TEX11: variants seen among roughly 807,000 people sequenced by gnomAD.
TEX11 encodes the protein testis expressed 11.
In TEX11, 7 loss-of-function variants were observed where a neutral mutation model predicts 84.4. The observed-to-expected ratio is 0.08, with a 90% CI of 0.05 to 0.16. TEX11 has a LOEUF of 0.16. TEX11 is among the 10% of genes least tolerant of loss of function. TEX11 has a pLI of 1.00. For missense variants in TEX11, 551 were observed against 660.5 expected (o/e 0.83, Z 1.82); for synonymous variants, 264 against 222.8 (o/e 1.18, Z -1.64).
chrX:70,714,641 C>G (rs1354654185), intron 13 of TEX11, among the ~76,000 whole-genome samples: 2 of 111,360 alleles, frequency 1.8e-5, no homozygotes, highest in Non-Finnish European at 3.8e-5. Context: ...TTTCCATTTG[C>G]TTGGTAGATC....
At chrX:70,828,583 T>C (rs2091359324) in intron 8 of TEX11, among the ~76,000 whole-genome samples, 1 of 110,880 alleles carries the variant, frequency 9.0e-6, no homozygotes, top group Non-Finnish European at 1.9e-5. Context: ...GAAGCATACC[T>C]ACATGATCTA....
chrX:70,629,626 G>C lies in TEX11; in HGVS notation c.1593C>G (p.Ala531=), dbSNP rs370307636. The change falls in exon 18 of 30, where the codon GCC becomes GCG. Residue 531 remains alanine, a synonymous_variant. Coordinates refer to ENST00000374333, the MANE Select transcript of TEX11 (RefSeq NM_031276.3). The stretch of plus-strand genomic sequence containing the variant: ...TATGAATTACCTCTAGAGCAAACTG[G>C]GCAGCTAAACTTAGAAGCATGGTAG... ...GSPTMLLSLA[A]QFALENGQQI... is the part of the protein sequence containing the mutation. 90 of 1,206,237 alleles carry C rather than the reference G, an allele frequency of 7.5e-5. No homozygotes were observed. The highest frequency in any genetic ancestry group is 9.6e-5 in the Non-Finnish European group (86 of 893,540).
At chrX:70,874,648 C>A (rs1397906478) in intron 3 of TEX11, among the ~76,000 whole-genome samples, 1 of 107,594 alleles carries the variant, frequency 9.3e-6, no homozygotes, top group Non-Finnish European at 1.9e-5. Flanking sequence ...GTGATCCGCC[C>A]GCCTCAACCT....
intron 9 of TEX11, among the ~76,000 whole-genome samples, chrX:70,773,132 G>A (rs376898920): frequency 1.8e-5 from 2 of 110,873 alleles, no homozygotes; most frequent in Non-Finnish European, 3.8e-5. Context: ...GAAAACTTCC[G>A]CAATCTGGAC....
At chrX:70,904,164 G>C (rs1421567359) in intron 2 of TEX11, among the ~76,000 whole-genome samples, 1 of 109,653 alleles carries the variant, frequency 9.1e-6, no homozygotes, top group East Asian at 2.8e-4. Context: ...AAAAAGACTG[G>C]TGTTATGTCA....
intron 13 of TEX11, among the ~76,000 whole-genome samples, chrX:70,689,872 T>C (rs2090219936): frequency 9.0e-6 from 1 of 111,684 alleles, no homozygotes; most frequent in Non-Finnish European, 1.9e-5. Flanking sequence ...AAACACTTGA[T>C]GAATACTCAG....
intron 8 of TEX11, among the ~76,000 whole-genome samples, chrX:70,827,621 T>C (rs1167282717): frequency 2.7e-5 from 3 of 111,378 alleles, no homozygotes; most frequent in African/African-American, 3.3e-5. Context: ...GGACCACTGA[T>C]GGTGGCGGCC....
chrX:70,599,016 AT>A (rs1406497268), intron 24 of TEX11, among the ~76,000 whole-genome samples: 1 of 111,578 alleles, frequency 9.0e-6, no homozygotes, highest in African/African-American at 3.3e-5. Flanking sequence ...AAACCAATAA[AT>A]TGTATACCTA....
At chrX:70,597,209 C>T (rs2089019550) in intron 24 of TEX11, among the ~76,000 whole-genome samples, 2 of 111,781 alleles carry the variant, frequency 1.8e-5, no homozygotes, top group African/African-American at 3.2e-5. Flanking sequence ...TAATATTCTC[C>T]CTAAACTGAT....
intron 4 of TEX11, among the ~76,000 whole-genome samples, chrX:70,864,921 G>A (rs1156991970): frequency 1.8e-5 from 2 of 110,269 alleles, no homozygotes; most frequent in Admixed American, 2.0e-4. Context: ...AGAAAAAACC[G>A]GTAACAGCCG....
rs199682126 is a variant in TEX11, at chrX:70,632,121, GAA to G, written c.1484-2388_1484-2387del. Among the ~76,000 whole-genome samples, 195 of 92,190 alleles carry G rather than the reference GAA, an allele frequency of 2.1e-3. 1 individual carries two copies. The highest frequency in any genetic ancestry group is 9.2e-3 in the East Asian group (27 of 2,925). The allele number at this position is 92,190 out of a possible 115,157, so 80.1% of individuals were successfully genotyped here. ...TAATAAAAATGCTAAAGGAAAACCT[GAA>G]AAAAAAAAAAAATGAAAACATGACA... On this transcript the variant is annotated intron_variant, in intron 17 of 29. Transcript: ENST00000374333.
chrX:70,697,685 G>C (rs183610273), intron 13 of TEX11, among the ~76,000 whole-genome samples: 9 of 111,849 alleles, frequency 8.0e-5, no homozygotes, highest in Admixed American at 5.7e-4. Flanking sequence ...GAAATATTAT[G>C]TTTATTGTAT....
chrX:70,662,364 G>T (rs990065659), intron 16 of TEX11, among the ~76,000 whole-genome samples: 8 of 112,031 alleles, frequency 7.1e-5, no homozygotes, highest in African/African-American at 2.6e-4. Flanking sequence ...ATGGGACTAT[G>T]TGAAAAGACC....
At chrX:70,811,868 G>A (rs2091257051) in intron 8 of TEX11, among the ~76,000 whole-genome samples, 1 of 111,699 alleles carries the variant, frequency 9.0e-6, no homozygotes, top group African/African-American at 3.3e-5. Flanking sequence ...CTTGTTGATG[G>A]GGTTGTTTGT....
intron 25 of TEX11, among the ~76,000 whole-genome samples, chrX:70,567,863 G>GA (rs1255655660): frequency 9.0e-6 from 1 of 111,548 alleles, no homozygotes; most frequent in Non-Finnish European, 1.9e-5. Flanking sequence ...GTGTGGTGCA[G>GA]AAAAAAATGT....
chrX:70,529,043 AAC>A lies in TEX11; in HGVS notation c.*50_*51del. 1 of 1,021,930 alleles carries A rather than the reference AAC, an allele frequency of 9.8e-7. No homozygotes were observed. Among genetic ancestry groups the A allele is most frequent in the Non-Finnish European group, 1.4e-6 (1 of 732,276 alleles). The allele number at this position is 1,021,930 out of a possible 1,213,427, so 84.2% of individuals were successfully genotyped here. On this transcript the variant is annotated 3_prime_UTR_variant, in exon 30 of 30. Coordinates refer to ENST00000374333, the MANE Select transcript of TEX11 (RefSeq NM_031276.3). ...CAAGAGAAACTCTGGCAAAAATTTA[AAC>A]AGTCAGCATCTCGGGACAATGTATC...
intron 11 of TEX11, among the ~76,000 whole-genome samples, chrX:70,728,076 T>C (rs770850298): frequency 8.0e-5 from 9 of 112,992 alleles, no homozygotes; most frequent in Non-Finnish European, 9.4e-5. Flanking sequence ...TTCAACCATG[T>C]AGATATGTGA....
chrX:70,722,734 T>C (rs1228615569), intron 12 of TEX11, 38 bp from the exon 13 acceptor site: 1 of 1,033,345 alleles, frequency 9.7e-7, no homozygotes, highest in Non-Finnish European at 1.3e-6. Context: ...ATCAGTTTAA[T>C]TTTTGAGGAA....
chrX:70,524,628 C>T (rs1243664964), downstream of TEX11, among the ~76,000 whole-genome samples: 6 of 112,723 alleles, frequency 5.3e-5, no homozygotes, highest in Non-Finnish European at 5.6e-5. Flanking sequence ...TGCAATGGCA[C>T]GATCTCGGCT....
Sources: gnomAD v4.1 joint callset for allele counts (sites outside exome capture counted in the v4.1 genomes callset) on GRCh38, gnomAD v4.1.1 for gene constraint, MANE v1.5 for transcripts, NCBI Gene and HGNC (gene_info 2026-07-23, HGNC 2026-07-21) for gene names.